The following LIPJ variants were observed in gnomAD, a reference collection of about 807,000 sequenced individuals.
LIPJ encodes lipase member J.
In LIPJ, 33 loss-of-function variants were observed where a neutral mutation model predicts 39.8. The ratio of observed to expected loss-of-function variants is 0.83; its 90% CI spans 0.63 to 1.11. The LOEUF (loss-of-function observed/expected upper bound fraction) is 1.11. LIPJ is among the 50% of genes least tolerant of loss of function. The pLI is 0.00. For missense variants in LIPJ, 422 were observed against 427.9 expected (o/e 0.99, Z 0.12); for synonymous variants, 128 against 139.2 (o/e 0.92, Z 0.57).
chr10:88,594,410 A>G, intron 5 of LIPJ: 1 of 483,088 alleles, frequency 2.1e-6, no homozygotes, highest in Non-Finnish European at 3.6e-6. Flanking sequence ...CTTCTACTCT[A>G]TAACTCATAT....
chr10:88,615,051 G>T, the LIPJ span, among the ~76,000 whole-genome samples: 15 of 152,128 alleles, frequency 9.9e-5, no homozygotes, highest in Non-Finnish European at 4.4e-5. Flanking sequence ...AATGTAAAAG[G>T]CAAAACAATA....
At chr10:88,604,145 G>A (rs1851586540) in intron 9 of LIPJ, among the ~76,000 whole-genome samples, 1 of 152,160 alleles carries the variant, frequency 6.6e-6, no homozygotes, top group Non-Finnish European at 1.5e-5. Context: ...AAAAGAGTAG[G>A]GAAAAGGTAT....
upstream of LIPJ, chr10:88,583,439 T>C (rs1472293223): frequency 4.5e-6 from 6 of 1,336,926 alleles, no homozygotes; most frequent in Non-Finnish European, 5.8e-6. Flanking sequence ...TCTTCTCGCT[T>C]TGGGGGCCGG....
At chr10:88,591,756 T>C (rs1378324295) in intron 4 of LIPJ, 2 of 219,138 alleles carry the variant, frequency 9.1e-6, no homozygotes, top group Non-Finnish European at 1.8e-5. Flanking sequence ...ACATGTTGAT[T>C]CTCTAGAATT....
the LIPJ span, among the ~76,000 whole-genome samples, chr10:88,613,685 A>G: frequency 6.7e-6 from 1 of 149,502 alleles, no homozygotes; most frequent in Non-Finnish European, 1.5e-5. Flanking sequence ...TAGGAAAAGA[A>G]GTATGACTGG....
At chr10:88,619,209 TAAAA>T in the LIPJ span, among the ~76,000 whole-genome samples, 23 of 128,208 alleles carry the variant, frequency 1.8e-4, no homozygotes, top group Admixed American at 2.3e-4. Context: ...TTGCTACTGC[TAAAA>T]AAAAAAAAAA....
downstream of LIPJ, among the ~76,000 whole-genome samples, chr10:88,611,484 A>T (rs1851751317): frequency 6.6e-6 from 1 of 152,256 alleles, no homozygotes; most frequent in Admixed American, 6.5e-5. Context: ...AACCAGAGAA[A>T]GGTGAAGTCC....
intron 2 of LIPJ, 28 bp from the exon 3 acceptor site, chr10:88,590,557 T>G: frequency 3.0e-6 from 2 of 673,416 alleles, no homozygotes; most frequent in Non-Finnish European, 5.3e-6. Flanking sequence ...CAATTTTAAC[T>G]GTATAAACAT....
At chr10:88,595,983 A>G (rs907896082) in intron 6 of LIPJ, among the ~76,000 whole-genome samples, 1 of 151,540 alleles carries the variant, frequency 6.6e-6, no homozygotes, top group Non-Finnish European at 1.5e-5. Context: ...GCAAGTTATA[A>G]AAAATGTTCA....
the LIPJ span, among the ~76,000 whole-genome samples, chr10:88,617,464 C>T: frequency 1.8e-4 from 27 of 152,212 alleles, no homozygotes; most frequent in Admixed American, 4.6e-4. Flanking sequence ...ATTCCTTTGA[C>T]TGCATTATTT....
intron 9 of LIPJ, among the ~76,000 whole-genome samples, chr10:88,603,855 T>C (rs1851575567): frequency 6.6e-6 from 1 of 152,188 alleles, no homozygotes; most frequent in Non-Finnish European, 1.5e-5. Flanking sequence ...ATAACTTATA[T>C]TTAGGTAAGT....
chr10:88,583,177 A>G (rs371119532), upstream of LIPJ: 5 of 1,613,794 alleles, frequency 3.1e-6, no homozygotes, highest in African/African-American at 1.3e-5. Context: ...GCCCACGATC[A>G]GCACCTGCGC....
At chr10:88,592,155 T>C (rs1277267877) in intron 4 of LIPJ, 2 of 151,982 alleles carry the variant, frequency 1.3e-5, no homozygotes, top group African/African-American at 4.8e-5. Flanking sequence ...ATAGAATGTT[T>C]CTTATATTAT....
chr10:88,600,896 G>A (rs1241416665), intron 8 of LIPJ, among the ~76,000 whole-genome samples: 2 of 152,160 alleles, frequency 1.3e-5, no homozygotes, highest in African/African-American at 4.8e-5. Context: ...GGGCAAAGAA[G>A]CAACAATGAA....
chr10:88,596,730 A>G (rs1008608409), intron 7 of LIPJ, 60 bp from the exon 8 acceptor site: 233 of 1,374,804 alleles, frequency 1.7e-4, no homozygotes, highest in Non-Finnish European at 2.2e-4. Context: ...AATTACCACA[A>G]CATTTCTTTA....
upstream of LIPJ, chr10:88,583,038 C>G (rs1850739872): frequency 6.2e-7 from 1 of 1,601,154 alleles, no homozygotes; most frequent in African/African-American, 1.3e-5. Context: ...CCCGGCAGTC[C>G]TCTTTTCCCA....
At chr10:88,583,530 T>C (rs1205032106), upstream of LIPJ, 2 of 1,150,478 alleles carry the variant, frequency 1.7e-6, no homozygotes, top group Non-Finnish European at 2.1e-6. Context: ...AGAGCTGACG[T>C]TGACCACAGC....
chr10:88,595,876 A>G (rs1462621246), intron 6 of LIPJ, among the ~76,000 whole-genome samples: 1 of 151,594 alleles, frequency 6.6e-6, no homozygotes. Context: ...AAATATATTG[A>G]AGATAAATAT....
the LIPJ span, among the ~76,000 whole-genome samples, chr10:88,615,646 AAAAAAC>A: frequency 2.6e-4 from 39 of 150,902 alleles, no homozygotes; most frequent in African/African-American, 8.3e-4. Context: ...AAAAAAAAAA[AAAAAAC>A]AGAAAGAAAT....
Sources: allele counts gnomAD v4.1 joint callset (sites outside exome capture counted in the v4.1 genomes callset), GRCh38; gene constraint gnomAD v4.1.1; transcripts MANE v1.5; gene names NCBI Gene and HGNC (gene_info 2026-07-23, HGNC 2026-07-21).